Variants in GRIA4 observed in about 807,000 individuals in gnomAD.
The protein encoded by GRIA4 is glutamate ionotropic receptor AMPA type subunit 4, also known as glutamate receptor 4.
Under a neutral mutation model 104.0 loss-of-function variants are expected in GRIA4, and 34 were observed. The observed-to-expected ratio is 0.33, with a 90% CI of 0.25 to 0.44. The LOEUF (loss-of-function observed/expected upper bound fraction) is 0.44. GRIA4 is among the 20% of genes least tolerant of loss of function. The pLI is 1.00. For missense variants in GRIA4, 750 were observed against 1,096.5 expected (o/e 0.68, Z 4.46); for synonymous variants, 386 against 381.9 (o/e 1.01, Z -0.13).
At chr11:105,731,463 T>C (rs1591158533) in intron 3 of GRIA4, among the ~76,000 whole-genome samples, 1 of 152,298 alleles carries the variant, frequency 6.6e-6, no homozygotes, top group East Asian at 1.9e-4. Flanking sequence ...TGGAAGGCAG[T>C]GTGGCGATTC....
At chr11:105,808,800 A>G (rs1475722265) in intron 4 of GRIA4, among the ~76,000 whole-genome samples, 7 of 152,250 alleles carry the variant, frequency 4.6e-5, no homozygotes, top group Non-Finnish European at 1.0e-4. Context: ...GCTAACTAAT[A>G]AAAATAAAAC....
At chr11:105,932,977 A>G (rs1283598318) in intron 13 of GRIA4, among the ~76,000 whole-genome samples, 1 of 152,160 alleles carries the variant, frequency 6.6e-6, no homozygotes, top group Non-Finnish European at 1.5e-5. Flanking sequence ...GGTGGCTCAC[A>G]CCTGTAATCC....
At chr11:105,918,326 T>C (rs974004727) in intron 10 of GRIA4, among the ~76,000 whole-genome samples, 1 of 152,150 alleles carries the variant, frequency 6.6e-6, no homozygotes, top group Non-Finnish European at 1.5e-5. Flanking sequence ...TAGTCTTTTA[T>C]GAGGTGAAGC....
intron 3 of GRIA4, 187 bp downstream of exon 3, chr11:105,612,621 T>G: frequency 1.9e-6 from 1 of 523,312 alleles, no homozygotes; most frequent in South Asian, 3.4e-5. Flanking sequence ...TTTTTTTCTT[T>G]TCCTTAATTT....
At chr11:105,852,266 A>G (rs1316885129) in intron 4 of GRIA4, among the ~76,000 whole-genome samples, 1 of 152,168 alleles carries the variant, frequency 6.6e-6, no homozygotes, top group Non-Finnish European at 1.5e-5. Context: ...ACTTTCCCAG[A>G]GTTGTAGGGA....
At chr11:105,851,170 T>C (rs1944794356) in intron 4 of GRIA4, among the ~76,000 whole-genome samples, 1 of 152,202 alleles carries the variant, frequency 6.6e-6, no homozygotes, top group Admixed American at 6.5e-5. Context: ...TTTATTATTA[T>C]TAGGCTTGAT....
In GRIA4 at chr11:105,795,332, G is replaced by A. The variant is rs771447695; in HGVS notation, c.487+42112G>A. On this transcript the variant is annotated intron_variant, in intron 4 of 16. Transcript: ENST00000282499. Reference sequence around the variant, plus strand: ...AAGTGAACTGATAGAGGAAGAATACGATGTTATCACCATACACGCACATAG... The same window carrying A: ...AAGTGAACTGATAGAGGAAGAATACAATGTTATCACCATACACGCACATAG... 2.0e-5 allele frequency among the ~76,000 whole-genome samples: 3 copies of A among 152,102 alleles called. No homozygotes were observed. In the East Asian group the frequency reaches 5.8e-4, roughly 29 times the overall value.
chr11:105,633,066 A>T (rs1315735959), intron 3 of GRIA4, among the ~76,000 whole-genome samples: 1 of 152,214 alleles, frequency 6.6e-6, no homozygotes, highest in African/African-American at 2.4e-5. Flanking sequence ...GAGCTGACTG[A>T]GTTAGCTGTC....
intron 14 of GRIA4, among the ~76,000 whole-genome samples, chr11:105,954,470 T>G (rs920904081): frequency 5.9e-5 from 9 of 152,160 alleles, no homozygotes; most frequent in African/African-American, 2.2e-4. Flanking sequence ...CAAATGCAAT[T>G]TAAGTTCATC....
At chr11:105,702,932 T>G (rs191977437) in intron 3 of GRIA4, among the ~76,000 whole-genome samples, 17 of 152,146 alleles carry the variant, frequency 1.1e-4, no homozygotes, top group Admixed American at 1.1e-3. Context: ...TGACCACAAG[T>G]GATCTGCCCA....
At chr11:105,680,383 C>T (rs1952671463) in intron 3 of GRIA4, among the ~76,000 whole-genome samples, 1 of 152,084 alleles carries the variant, frequency 6.6e-6, no homozygotes, top group African/African-American at 2.4e-5. Context: ...TCTTGAAGAA[C>T]CTTGCCCAGC....
At chr11:105,651,620 G>A (rs1286853381) in intron 3 of GRIA4, among the ~76,000 whole-genome samples, 1 of 152,050 alleles carries the variant, frequency 6.6e-6, no homozygotes, top group Non-Finnish European at 1.5e-5. Context: ...AGCCACTGGA[G>A]TGCTTTTCAA....
intron 3 of GRIA4, among the ~76,000 whole-genome samples, chr11:105,752,185 C>T (rs1277918697): frequency 6.6e-6 from 1 of 152,022 alleles, no homozygotes; most frequent in African/African-American, 2.4e-5. Flanking sequence ...GGTTTTGTAG[C>T]AACTGGGAGC....
intron 14 of GRIA4, among the ~76,000 whole-genome samples, chr11:105,951,778 C>T (rs1199623184): frequency 6.6e-6 from 1 of 151,870 alleles, no homozygotes; most frequent in Non-Finnish European, 1.5e-5. Context: ...GGCAACATGG[C>T]AAAACCACAT....
intron 10 of GRIA4, among the ~76,000 whole-genome samples, chr11:105,915,100 AAC>A (rs1248077412): frequency 6.6e-6 from 1 of 152,188 alleles, no homozygotes; most frequent in Admixed American, 6.6e-5. Context: ...AGCAAAATGA[AAC>A]ACAGTCAAAG....
At chr11:105,692,889 C>A (rs548801487) in intron 3 of GRIA4, among the ~76,000 whole-genome samples, 1 of 152,024 alleles carries the variant, frequency 6.6e-6, no homozygotes, top group Non-Finnish European at 1.5e-5. Flanking sequence ...TATAAATGGA[C>A]GTGAAGCATG....
intron 5 of GRIA4, among the ~76,000 whole-genome samples, chr11:105,887,022 C>A (rs140967019): frequency 1.7e-4 from 25 of 151,236 alleles, no homozygotes; most frequent in African/African-American, 5.8e-4. Context: ...TAAATATTTT[C>A]TGGTATTAGA....
At chr11:105,954,786 G>A (rs900130105) in intron 14 of GRIA4, among the ~76,000 whole-genome samples, 2 of 151,642 alleles carry the variant, frequency 1.3e-5, no homozygotes, top group Admixed American at 6.6e-5. Flanking sequence ...ATACAGTGGG[G>A]GTTAGGTCTG....
intron 14 of GRIA4, among the ~76,000 whole-genome samples, chr11:105,962,009 G>A (rs1948755763): frequency 6.6e-6 from 1 of 152,160 alleles, no homozygotes; most frequent in South Asian, 2.1e-4. Flanking sequence ...CTAAATCTAA[G>A]AAGCTGTATC....
Sources: allele counts gnomAD v4.1 joint callset (sites outside exome capture counted in the v4.1 genomes callset), GRCh38; gene constraint gnomAD v4.1.1; transcripts MANE v1.5; gene names NCBI Gene and HGNC (gene_info 2026-07-23, HGNC 2026-07-21).